INPP4B: variants seen among roughly 807,000 people sequenced by gnomAD.
The protein encoded by INPP4B is inositol polyphosphate-4-phosphatase type II B, also known as inositol polyphosphate 4-phosphatase type II.
INPP4B carries 55 observed loss-of-function variants against 122.5 expected under a neutral mutation model. The observed-to-expected ratio is 0.45, with a 90% CI of 0.36 to 0.56. The LOEUF is 0.56. Among genes scored for constraint, INPP4B ranks in the 20% least tolerant of loss-of-function variants. INPP4B has a pLI of 0.00. For missense variants in INPP4B, 1,000 were observed against 1,097.7 expected (o/e 0.91, Z 1.26); for synonymous variants, 403 against 388.7 (o/e 1.04, Z -0.43).
Position 142,655,314 on chromosome 4 carries a change from G to C in INPP4B, c.-191+70525C>G, listed in dbSNP as rs542378161. On this transcript the variant is annotated intron_variant, in intron 2 of 25. Transcript: ENST00000262992. ...CAATTCTTGTCATTTTATTTTCTAA[G>C]CTTTCATTTACAGGGAATAGATTAA... Among the ~76,000 whole-genome samples, 2 of 152,094 alleles carry C rather than the reference G, an allele frequency of 1.3e-5. 1 individual carries two copies. Among genetic ancestry groups the C allele is most frequent in the South Asian group, 4.1e-4 (2 of 4,824 alleles).
chr4:142,542,924 C>G (rs148261844), intron 2 of INPP4B, among the ~76,000 whole-genome samples: 10 of 152,072 alleles, frequency 6.6e-5, no homozygotes, highest in Admixed American at 6.5e-5. Flanking sequence ...TCAACATCAA[C>G]CGGTTTGATC....
intron 2 of INPP4B, among the ~76,000 whole-genome samples, chr4:142,724,149 T>G (rs745654778): frequency 1.3e-5 from 2 of 152,170 alleles, no homozygotes; most frequent in Non-Finnish European, 2.9e-5. Flanking sequence ...TTCTATCCCA[T>G]GAATGGGAAT....
At chr4:142,813,201 T>G (rs1488869197) in intron 1 of INPP4B, among the ~76,000 whole-genome samples, 3 of 152,170 alleles carry the variant, frequency 2.0e-5, no homozygotes, top group Non-Finnish European at 2.9e-5. Context: ...AATGACACTA[T>G]CTTACAACCT....
chr4:142,188,681 T>G (rs999530460), intron 15 of INPP4B, among the ~76,000 whole-genome samples: 2 of 151,114 alleles, frequency 1.3e-5, no homozygotes, highest in Non-Finnish European at 2.9e-5. Context: ...AAAAAAAGAA[T>G]TACCATCCCC....
At chr4:142,217,526 C>T (rs567450825) in intron 12 of INPP4B, among the ~76,000 whole-genome samples, 32 of 152,240 alleles carry the variant, frequency 2.1e-4, no homozygotes, top group African/African-American at 7.5e-4. Flanking sequence ...AGACATGGTT[C>T]GGTCTTCTAC....
At chr4:142,033,307 C>T (rs1302228922) in intron 25 of INPP4B, among the ~76,000 whole-genome samples, 3 of 152,166 alleles carry the variant, frequency 2.0e-5, no homozygotes, top group African/African-American at 7.2e-5. Context: ...AAGTCAGGCA[C>T]ATTCCCCCTC....
At chr4:142,475,149 G>T (rs1037118256) in intron 2 of INPP4B, among the ~76,000 whole-genome samples, 1 of 152,074 alleles carries the variant, frequency 6.6e-6, no homozygotes, top group Non-Finnish European at 1.5e-5. Flanking sequence ...CTTAATAAAA[G>T]AAATTTGGGC....
At chr4:142,770,591 C>T (rs948104150) in intron 1 of INPP4B, among the ~76,000 whole-genome samples, 3 of 151,954 alleles carry the variant, frequency 2.0e-5, no homozygotes, top group Admixed American at 6.6e-5. Flanking sequence ...GTTTCTTTTA[C>T]TAATTATAGG....
At chr4:142,552,664 T>C (rs1728258026) in intron 2 of INPP4B, among the ~76,000 whole-genome samples, 1 of 152,142 alleles carries the variant, frequency 6.6e-6, no homozygotes, top group Admixed American at 6.5e-5. Context: ...ATATAAAGAA[T>C]AAAGTTAACA....
chr4:142,507,553 C>A (rs963570400), intron 2 of INPP4B, among the ~76,000 whole-genome samples: 1 of 151,844 alleles, frequency 6.6e-6, no homozygotes, highest in Non-Finnish European at 1.5e-5. Context: ...CGTGTCAGGC[C>A]TTGGAAATGA....
chr4:142,551,018 C>T (rs1021398691), intron 2 of INPP4B, among the ~76,000 whole-genome samples: 1 of 152,104 alleles, frequency 6.6e-6, no homozygotes, highest in Admixed American at 6.5e-5. Flanking sequence ...AGCGATAACA[C>T]AAACTAGTAG....
At chr4:142,602,746 CTT>C (rs1379961492) in intron 2 of INPP4B, among the ~76,000 whole-genome samples, 1 of 152,152 alleles carries the variant, frequency 6.6e-6, no homozygotes. Context: ...ATAAGGAACA[CTT>C]TTGCACGTTG....
intron 2 of INPP4B, among the ~76,000 whole-genome samples, chr4:142,684,137 TAA>T (rs1759014490): frequency 6.6e-6 from 1 of 152,058 alleles, no homozygotes; most frequent in African/African-American, 2.4e-5. Context: ...TATGCAATAA[TAA>T]AACTTTGTTT....
chr4:142,064,819 T>A (rs1457545460), intron 25 of INPP4B, among the ~76,000 whole-genome samples: 1 of 152,150 alleles, frequency 6.6e-6, no homozygotes, highest in Non-Finnish European at 1.5e-5. Context: ...TGACAACTAT[T>A]GTATTTCTAT....
intron 11 of INPP4B, among the ~76,000 whole-genome samples, chr4:142,244,925 G>A (rs939771368): frequency 1.3e-5 from 2 of 152,092 alleles, no homozygotes; most frequent in Non-Finnish European, 2.9e-5. Flanking sequence ...ATTCTAACTG[G>A]CATGAGATGG....
At chr4:142,690,214 C>T (rs1365128568) in intron 2 of INPP4B, among the ~76,000 whole-genome samples, 3 of 152,090 alleles carry the variant, frequency 2.0e-5, no homozygotes, top group African/African-American at 7.2e-5. Flanking sequence ...TGTTGCAAAG[C>T]ACGAAGACAC....
At chr4:142,160,211 C>A in intron 17 of INPP4B, 147 bp downstream of exon 17, 1 of 491,846 alleles carries the variant, frequency 2.0e-6, no homozygotes, top group Admixed American at 3.9e-5. Context: ...AAAAATTGCC[C>A]CTAAGGAAAA....
At chr4:142,268,348 G>GAAAAAAAAAAAAAAA (rs1383781390) in intron 10 of INPP4B, among the ~76,000 whole-genome samples, 8 of 26,770 alleles carry the variant, frequency 3.0e-4, no homozygotes, top group Non-Finnish European at 4.6e-4. Flanking sequence ...AAAAAAAAAT[G>GAAAAAAAAAAAAAAA]AGGGGTAAGT....
intron 2 of INPP4B, among the ~76,000 whole-genome samples, chr4:142,587,606 G>T (rs900983222): frequency 1.3e-5 from 2 of 152,064 alleles, no homozygotes; most frequent in Admixed American, 1.3e-4. Context: ...TTTGATACAT[G>T]CATGCAATGC....
Sources: gnomAD v4.1 joint callset for allele counts (sites outside exome capture counted in the v4.1 genomes callset) on GRCh38, gnomAD v4.1.1 for gene constraint, MANE v1.5 for transcripts, NCBI Gene and HGNC (gene_info 2026-07-23, HGNC 2026-07-21) for gene names.